PCDHA9: variants seen among roughly 807,000 people sequenced by gnomAD.
PCDHA9 encodes the protein protocadherin alpha-9.
A neutral mutation model predicts 62.0 loss-of-function variants in PCDHA9; 62 were observed. The ratio of observed to expected loss-of-function variants is 1.00; its 90% confidence interval spans 0.81 to 1.23. The LOEUF (loss-of-function observed/expected upper bound fraction) is 1.23, where lower values mean the gene tolerates loss of function less well. Among genes scored for constraint, PCDHA9 ranks in the 50% most tolerant of loss-of-function variants. The pLI, the probability that PCDHA9 is intolerant of heterozygous loss-of-function variation, is 0.00. For missense variants in PCDHA9, 1,205 were observed against 1,249.8 expected (o/e 0.96, Z 0.54); for synonymous variants, 557 against 567.6 (o/e 0.98, Z 0.27).
At chr5:140,884,381 T>C in intron 1 of PCDHA9, 2 of 1,613,986 alleles carry the variant, frequency 1.2e-6, no homozygotes, top group Non-Finnish European at 1.7e-6. Flanking sequence ...CATTGCCATC[T>C]GCGCGGTGTC....
chr5:140,873,657 C>T (rs1270824058), intron 1 of PCDHA9, among the ~76,000 whole-genome samples: 1 of 152,206 alleles, frequency 6.6e-6, no homozygotes, highest in Non-Finnish European at 1.5e-5. Flanking sequence ...ACATAACACA[C>T]TATTATTATT....
At chr5:140,975,876 A>G (rs573852863) in intron 1 of PCDHA9, among the ~76,000 whole-genome samples, 1 of 152,230 alleles carries the variant, frequency 6.6e-6, no homozygotes, top group South Asian at 2.1e-4. Context: ...TACCTAATTG[A>G]TTTTTTCCAC....
intron 1 of PCDHA9, among the ~76,000 whole-genome samples, chr5:140,960,124 T>C (rs966679082): frequency 3.3e-5 from 5 of 152,216 alleles, no homozygotes; most frequent in African/African-American, 1.2e-4. Flanking sequence ...GTATTCCTTA[T>C]GAAATACTTA....
Position 140,870,243 on chromosome 5 carries a change from C to A in PCDHA9, c.2394+19354C>A, listed in dbSNP as rs782592982. 3.1e-6 allele frequency: 5 copies of A among 1,614,176 alleles called. No homozygotes were observed. The East Asian group carries it at 6.7e-5, about 22-fold the overall frequency. On this transcript the variant is annotated intron_variant, in intron 1 of 3. Transcript: ENST00000532602. Reference sequence around the variant, plus strand: ...GCGTGTCTGACCGTGACTCAGGTGTCAACGGACAGGTGACCTGCTCGCTGA... The same window carrying A: ...GCGTGTCTGACCGTGACTCAGGTGTAAACGGACAGGTGACCTGCTCGCTGA...
chr5:140,852,296 G>C, intron 1 of PCDHA9: 1 of 460,598 alleles, frequency 2.2e-6, no homozygotes, highest in South Asian at 9.2e-5. Flanking sequence ...TTATTTTTCT[G>C]AGACGGAGTC....
intron 1 of PCDHA9, among the ~76,000 whole-genome samples, chr5:140,872,375 C>A (rs2053630195): frequency 6.6e-6 from 1 of 152,002 alleles, no homozygotes; most frequent in Admixed American, 6.6e-5. Flanking sequence ...GCCTGTAATC[C>A]CAGCTATTTG....
chr5:140,941,191 T>TTTC (rs1487503403), intron 1 of PCDHA9, among the ~76,000 whole-genome samples: 199 of 93,252 alleles, frequency 2.1e-3, no homozygotes, highest in Middle Eastern at 0.015. Flanking sequence ...GCTTCTTTTT[T>TTTC]TTTCTTTCTT....
chr5:141,001,913 C>T (rs545106723), intron 3 of PCDHA9, among the ~76,000 whole-genome samples: 2 of 152,296 alleles, frequency 1.3e-5, no homozygotes, highest in South Asian at 2.1e-4. Flanking sequence ...AAAAAGACTG[C>T]AGTGGCTGAC....
chr5:140,866,149 T>C (rs1554160036), intron 1 of PCDHA9: 1 of 152,130 alleles, frequency 6.6e-6, no homozygotes, highest in Non-Finnish European at 1.5e-5. Flanking sequence ...GGAAGTGATA[T>C]AAGTAAGAAT....
Position 141,010,339 on chromosome 5 carries a change from A to G in PCDHA9, c.*402A>G. 2 of 1,534,058 alleles carry G rather than the reference A, an allele frequency of 1.3e-6. No homozygotes were observed. Among genetic ancestry groups the G allele is most frequent in the East Asian group, 4.9e-5 (2 of 40,762 alleles). On this transcript the variant is annotated 3_prime_UTR_variant, in exon 4 of 4. Transcript: ENST00000532602. ...TTGAGCAGCTTGGGAGTTTGTGGCC[A>G]CTGGGTATGTGTGGCTACCGCGGGT...
At chr5:140,893,780 C>G (rs966071281) in intron 1 of PCDHA9, among the ~76,000 whole-genome samples, 1 of 151,980 alleles carries the variant, frequency 6.6e-6, no homozygotes. Flanking sequence ...TTTCTTTTAC[C>G]GTTTTTAGAA....
chr5:140,850,598 C>T lies in PCDHA9; in HGVS notation c.2103C>T (p.Ile701=), dbSNP rs1358773904. 1.9e-6 allele frequency: 3 copies of T among 1,598,576 alleles called. No individual in the cohort carries two copies. The highest frequency in any genetic ancestry group is 1.7e-4 in the Middle Eastern group (1 of 5,998). The change falls in exon 1 of 4, where the codon ATC becomes ATT. Residue 701 remains isoleucine, a synonymous_variant. Coordinates refer to ENST00000532602, the MANE Select transcript of PCDHA9 (RefSeq NM_031857.2). ...VTLVDVNVYL[I]IAICAVSSLL... ...TGGTGGATGTCAACGTGTACCTGAT[C>T]ATCGCCATCTGCGCGGTGTCTAGCC...
intron 1 of PCDHA9, among the ~76,000 whole-genome samples, chr5:140,942,908 G>A (rs187574457): frequency 2.6e-5 from 4 of 151,726 alleles, no homozygotes; most frequent in African/African-American, 9.7e-5. Flanking sequence ...AAGAATAAGC[G>A]TGAAGAAAAA....
chr5:140,853,378 T>G, intron 1 of PCDHA9: 1 of 985,390 alleles, frequency 1.0e-6, no homozygotes, highest in Non-Finnish European at 1.2e-6. Context: ...ATGGTAAAAT[T>G]CAAAACAGCC....
chr5:140,988,500 C>T (rs1340106461), intron 3 of PCDHA9, among the ~76,000 whole-genome samples: 1 of 152,116 alleles, frequency 6.6e-6, no homozygotes, highest in Non-Finnish European at 1.5e-5. Flanking sequence ...TAGGAGAAGC[C>T]ATGAAGCTTA....
chr5:140,904,911 G>A (rs2153487307), intron 1 of PCDHA9, among the ~76,000 whole-genome samples: 1 of 152,172 alleles, frequency 6.6e-6, no homozygotes, highest in African/African-American at 2.4e-5. Flanking sequence ...TTACTGATTT[G>A]TTTGACTTCC....
At chr5:140,993,462 T>TCACACACA (rs3836747) in intron 3 of PCDHA9, among the ~76,000 whole-genome samples, 2,160 of 141,010 alleles carry the variant, frequency 0.015, 29 homozygotes, top group Admixed American at 0.024. Flanking sequence ...TCTTTCTTTC[T>TCACACACA]CACACACACA....
At chr5:140,868,925 T>C (rs558364822) in intron 1 of PCDHA9, 1 of 1,048,896 alleles carries the variant, frequency 9.5e-7, no homozygotes. Flanking sequence ...GAAAGTTCAT[T>C]TAAAGGTTGG....
At chr5:140,873,657 C>CTA in intron 1 of PCDHA9, among the ~76,000 whole-genome samples, 1 of 152,206 alleles carries the variant, frequency 6.6e-6, no homozygotes, top group South Asian at 2.1e-4. Context: ...ACATAACACA[C>CTA]TATTATTATT....
Sources: allele counts gnomAD v4.1 joint callset (sites outside exome capture counted in the v4.1 genomes callset), GRCh38; gene constraint gnomAD v4.1.1; transcripts MANE v1.5; gene names NCBI Gene and HGNC (gene_info 2026-07-23, HGNC 2026-07-21).